BRMS1L: variants seen among roughly 807,000 people sequenced by gnomAD.
The protein encoded by BRMS1L is breast cancer metastasis-suppressor 1-like protein.
In BRMS1L, 23 loss-of-function variants were observed where a neutral mutation model predicts 50.3. The observed-to-expected ratio is 0.46, with a 90% confidence interval of 0.33 to 0.65. The LOEUF (loss-of-function observed/expected upper bound fraction) is 0.65. Ranked by LOEUF, BRMS1L falls within the 30% of genes least tolerant of loss-of-function variation. The pLI, the probability that BRMS1L is intolerant of heterozygous loss-of-function variation, is 0.02. For synonymous variants in BRMS1L, 114 were observed against 126.9 expected (o/e 0.90, Z 0.69); for missense variants, 286 against 386.1 (o/e 0.74, Z 2.17).
rs397852632 is a variant in BRMS1L, at chr14:35,860,579, T to TAA, written c.442-1994_442-1993dup. Among the ~76,000 whole-genome samples the TAA allele has an allele frequency of 2.5e-3, 337 of 134,734 alleles. 2 individuals carry two copies. Among genetic ancestry groups the TAA allele is most frequent in the African/African-American group, 6.7e-3 (251 of 37,228 alleles). The allele number at this position is 134,734 out of a possible 152,430, so 88.4% of individuals were successfully genotyped here. On this transcript the variant is annotated intron_variant, in intron 4 of 9. Coordinates refer to ENST00000216807, the MANE Select transcript of BRMS1L (RefSeq NM_032352.4). ...TTTTTTTATTCCAGTGCAGTATGCT[T>TAA]AAAAAAAAAAAAAAAAAACTATTGT...
At chr14:35,836,172 A>G (rs1395930899) in intron 4 of BRMS1L, among the ~76,000 whole-genome samples, 5 of 152,168 alleles carry the variant, frequency 3.3e-5, no homozygotes, top group Non-Finnish European at 5.9e-5. Context: ...CTCATTGACT[A>G]TATAAGTTCT....
chr14:35,847,802 T>C (rs1177993754), intron 4 of BRMS1L, among the ~76,000 whole-genome samples: 1 of 152,244 alleles, frequency 6.6e-6, no homozygotes, highest in East Asian at 1.9e-4. Context: ...CTCACACAAG[T>C]GGTATCATCC....
At chr14:35,835,826 CAG>C (rs1256346256) in intron 4 of BRMS1L, among the ~76,000 whole-genome samples, 1 of 152,128 alleles carries the variant, frequency 6.6e-6, no homozygotes. Flanking sequence ...GCCTGGGTAA[CAG>C]AGTGTCACCC....
At chr14:35,832,942 T>G in intron 2 of BRMS1L, 36 bp from the exon 3 acceptor site, 5 of 1,557,866 alleles carry the variant, frequency 3.2e-6, no homozygotes, top group Non-Finnish European at 4.4e-6. Context: ...TTTGTTGAGA[T>G]TTTTAAATTA....
At position 35,871,891 on chromosome 14, in the gene BRMS1L, G is replaced by A. The variant is rs2078496189; in HGVS notation, c.*1414G>A. 1 of 152,566 alleles carries A rather than the reference G, an allele frequency of 6.6e-6. No individual in the cohort carries two copies. The highest frequency in any genetic ancestry group is 1.5e-5 in the Non-Finnish European group (1 of 68,036). The allele number at this position is 152,566 out of a possible 1,614,324, so 9.5% of individuals were successfully genotyped here. A position where few individuals can be genotyped will look rare whatever the true frequency, so the allele number is the denominator to read the frequency against. ...ATTTGACAGTACTTATGTATACAAT[G>A]TTTGATAAGCATTTTTAATAAGATT... On this transcript the variant is annotated 3_prime_UTR_variant, in exon 10 of 10. Coordinates refer to ENST00000216807, the MANE Select transcript of BRMS1L (RefSeq NM_032352.4).
In BRMS1L at chr14:35,829,735, A is replaced by G. The variant is rs1026509326; in HGVS notation, c.143-1675A>G. 13 of 732,478 alleles carry G rather than the reference A, an allele frequency of 1.8e-5. No homozygotes were observed. The African/African-American group carries it at 2.5e-4, about 14-fold the overall frequency. The allele number at this position is 732,478 out of a possible 1,614,324, so 45.4% of individuals were successfully genotyped here. A position where few individuals can be genotyped will look rare whatever the true frequency, so the allele number is the denominator to read the frequency against. ...ATCTGTTTTAGAAAATGAGAAAAAA[A>G]TGAGTCAGCCTTCCATGTTATATAA... On this transcript the variant is annotated intron_variant, in intron 1 of 9. Transcript: ENST00000216807.
Position 35,870,680 on chromosome 14 carries a change from A to G in BRMS1L, c.*203A>G. On this transcript the variant is annotated 3_prime_UTR_variant, in exon 10 of 10. Transcript: ENST00000216807. ...AAATTTTATCACGATCCTTACGTTG[A>G]TTTGCCTCTTAGGTCCGATGACCAA... The G allele has an allele frequency of 9.5e-6, 3 of 315,810 alleles. No individual in the cohort carries two copies. The South Asian group carries it at 1.6e-4, about 17-fold the overall frequency. 19.6% of individuals were successfully genotyped at this position (315,810 alleles called of 1,614,324 possible).
At chr14:35,837,652 G>A (rs536541499) in intron 4 of BRMS1L, among the ~76,000 whole-genome samples, 156 of 152,128 alleles carry the variant, frequency 1.0e-3, no homozygotes, top group African/African-American at 3.5e-3. Context: ...CCGAGTTCAA[G>A]CGATTCTCCT....
In BRMS1L at chr14:35,870,408, T is replaced by C. The variant is rs369783418; in HGVS notation, c.903T>C (p.Pro301=). 1.1e-5 allele frequency: 18 copies of C among 1,610,436 alleles called. No homozygotes were observed. The African/African-American group carries it at 2.3e-4, about 20-fold the overall frequency. ...ATGATGAAGTTTGGTTTAAGAGGCCTGATGGAAGCAAATCTAAGCTTTACA... is the reference window on the plus strand; with the variant it reads ...ATGATGAAGTTTGGTTTAAGAGGCCCGATGGAAGCAAATCTAAGCTTTACA... ...INHDEVWFKR[P]DGSKSKLYIS... The change falls in exon 10 of 10, where the codon CCT becomes CCC. Residue 301 remains proline (P), a synonymous_variant. Coordinates refer to ENST00000216807, the MANE Select transcript of BRMS1L (RefSeq NM_032352.4).
chr14:35,855,017 G>A (rs1263501244), intron 4 of BRMS1L, among the ~76,000 whole-genome samples: 1 of 152,242 alleles, frequency 6.6e-6, no homozygotes, highest in Non-Finnish European at 1.5e-5. Context: ...ATTTCCCTCA[G>A]GTGGATCTTT....
At chr14:35,855,060 C>G (rs535426572) in intron 4 of BRMS1L, among the ~76,000 whole-genome samples, 15 of 152,276 alleles carry the variant, frequency 9.9e-5, no homozygotes, top group Non-Finnish European at 2.2e-4. Flanking sequence ...TCCTTCGGGG[C>G]TTTGTGCAGA....
In BRMS1L at chr14:35,862,669, G is replaced by A. The variant is rs2078367777; in HGVS notation, c.521G>A (p.Ser174Asn). 5 of 1,608,598 alleles carry A rather than the reference G, an allele frequency of 3.1e-6. No homozygotes were observed. In the South Asian group the frequency reaches 5.5e-5, roughly 18 times the overall value. Residue 174 changes from serine to asparagine, a missense_variant, in exon 5 of 10, where the codon AGC becomes AAC. Physicochemically the swap from Ser to Asn is conservative, Grantham distance 46. Coordinates refer to ENST00000216807, the MANE Select transcript of BRMS1L (RefSeq NM_032352.4). ...KIRRLEEDRH[S>N]IDITSELWND... ...AGAAGGCTTGAAGAGGATAGGCACA[G>A]CATTGATATTACCTCAGGTAAGGAG...
At chr14:35,829,356 AT>A (rs2077888683) in intron 1 of BRMS1L, among the ~76,000 whole-genome samples, 2 of 152,204 alleles carry the variant, frequency 1.3e-5, no homozygotes, top group African/African-American at 4.8e-5. Context: ...TCCCCCTATA[AT>A]TTTTATGTTG....
At chr14:35,860,015 T>A (rs1472493783) in intron 4 of BRMS1L, among the ~76,000 whole-genome samples, 2 of 152,240 alleles carry the variant, frequency 1.3e-5, no homozygotes, top group Non-Finnish European at 2.9e-5. Flanking sequence ...ATATTGTTTC[T>A]TTAATATTTT....
intron 4 of BRMS1L, 23 bp from the exon 5 acceptor site, chr14:35,862,567 G>A: frequency 6.5e-7 from 1 of 1,528,560 alleles, no homozygotes; most frequent in Non-Finnish European, 8.8e-7. Flanking sequence ...TTCTACTTAA[G>A]TATAATCTGT....
At chr14:35,827,210 C>A (rs967327707) in intron 1 of BRMS1L, among the ~76,000 whole-genome samples, 1 of 152,196 alleles carries the variant, frequency 6.6e-6, no homozygotes, top group African/African-American at 2.4e-5. Flanking sequence ...CATTCGGGCT[C>A]ATTTTGGATC....
At chr14:35,843,360 T>C (rs2078091137) in intron 4 of BRMS1L, among the ~76,000 whole-genome samples, 1 of 152,206 alleles carries the variant, frequency 6.6e-6, no homozygotes, top group African/African-American at 2.4e-5. Flanking sequence ...TGGATGGGGT[T>C]TCTCTGTGGA....
At chr14:35,860,607 C>T (rs1005496268) in intron 4 of BRMS1L, among the ~76,000 whole-genome samples, 31 of 150,208 alleles carry the variant, frequency 2.1e-4, no homozygotes, top group African/African-American at 7.3e-4. Flanking sequence ...ACTATTGTAG[C>T]GTTTTAATGG....
intron 1 of BRMS1L, among the ~76,000 whole-genome samples, chr14:35,829,536 T>C (rs2077891251): frequency 6.6e-6 from 1 of 152,238 alleles, no homozygotes; most frequent in African/African-American, 2.4e-5. Context: ...TGTTCTACCA[T>C]ATGTCTTTCA....
Sources: gnomAD v4.1 joint callset for allele counts (sites outside exome capture counted in the v4.1 genomes callset) on GRCh38, gnomAD v4.1.1 for gene constraint, MANE v1.5 for transcripts, NCBI Gene and HGNC (gene_info 2026-07-23, HGNC 2026-07-21) for gene names.